EYS: variants seen among roughly 807,000 people sequenced by gnomAD.
EYS encodes EGF-like photoreceptor maintenance factor, also known as protein eyes shut homolog.
EYS carries 250 observed loss-of-function variants against 282.1 expected under a neutral mutation model. The observed-to-expected ratio is 0.89, with a 90% CI of 0.80 to 0.98. The LOEUF is 0.98. Ranked by LOEUF, EYS falls within the 50% of genes least tolerant of loss-of-function variation. The pLI is 0.00. For synonymous variants in EYS, 1,355 were observed against 1,282.9 expected (o/e 1.06, Z -1.20); for missense variants, 4,016 against 3,709.0 (o/e 1.08, Z -2.15).
chr6:64,560,069 T>C (rs1765349435), intron 26 of EYS, among the ~76,000 whole-genome samples: 1 of 152,158 alleles, frequency 6.6e-6, no homozygotes, highest in South Asian at 2.1e-4. Flanking sequence ...AGCATAAAAT[T>C]TGTGTACATC....
chr6:65,497,324 C>T (rs757601142), intron 2 of EYS, among the ~76,000 whole-genome samples: 3 of 151,936 alleles, frequency 2.0e-5, no homozygotes, highest in South Asian at 2.1e-4. Flanking sequence ...AATAGTCTAA[C>T]AGTCTGAGAC....
intron 35 of EYS, among the ~76,000 whole-genome samples, chr6:63,891,132 A>T (rs1257607176): frequency 6.6e-6 from 1 of 152,114 alleles, no homozygotes; most frequent in Non-Finnish European, 1.5e-5. Flanking sequence ...GGACCAGACA[A>T]ATTCACGGCC....
At chr6:65,576,233 T>A (rs1433136854) in intron 2 of EYS, among the ~76,000 whole-genome samples, 1 of 151,906 alleles carries the variant, frequency 6.6e-6, no homozygotes, top group East Asian at 1.9e-4. Flanking sequence ...CTTACTATAA[T>A]CAAGTGGAGG....
At chr6:64,407,819 C>T (rs6938036) in intron 28 of EYS, among the ~76,000 whole-genome samples, 2,618 of 152,148 alleles carry the variant, frequency 0.017, 66 homozygotes, top group African/African-American at 0.06. Context: ...GCAACCTCCG[C>T]CTCCTGGGTT....
intron 24 of EYS, among the ~76,000 whole-genome samples, chr6:64,598,466 C>T (rs1330516665): frequency 1.3e-5 from 2 of 151,876 alleles, no homozygotes; most frequent in African/African-American, 4.8e-5. Context: ...GTCTCAAAAA[C>T]AAACAAACAA....
chr6:64,590,865 T>C lies in EYS; in HGVS notation c.5002A>G (p.Ile1668Val), dbSNP rs1364871276. Reference protein sequence around the residue: ...NLCLDKTCLSIVPSQTISSDL... With the variant: ...NLCLDKTCLSVVPSQTISSDL... ...GAAGAGATAGTTTGTGAAGGGACAATGGATAAACAAGTCTTATCCAAACAT... is the reference window on the plus strand; with the variant it reads ...GAAGAGATAGTTTGTGAAGGGACAACGGATAAACAAGTCTTATCCAAACAT... Residue 1668 changes from isoleucine (I) to valine (V), a missense_variant, in exon 26 of 43, where the codon ATT becomes GTT. By Grantham distance (29) the Ile-to-Val change is conservative. Coordinates refer to ENST00000503581, the MANE Select transcript of EYS (RefSeq NM_001142800.2). 4 of 1,550,790 alleles carry C rather than the reference T, an allele frequency of 2.6e-6. No homozygotes were observed. The highest frequency in any genetic ancestry group is 1.2e-5 in the South Asian group (1 of 84,054).
intron 22 of EYS, among the ~76,000 whole-genome samples, chr6:64,809,722 A>G (rs779140578): frequency 1.7e-4 from 26 of 152,124 alleles, no homozygotes; most frequent in Non-Finnish European, 3.1e-4. Flanking sequence ...AAACACAAGA[A>G]CAGAAAACCA....
intron 28 of EYS, among the ~76,000 whole-genome samples, chr6:64,432,462 G>T (rs969605936): frequency 6.6e-6 from 1 of 151,120 alleles, no homozygotes; most frequent in East Asian, 1.9e-4. Context: ...ACTTTAAATG[G>T]AAAAAGGCCC....
At chr6:65,005,108 G>A (rs1279323204) in intron 13 of EYS, among the ~76,000 whole-genome samples, 1 of 147,660 alleles carries the variant, frequency 6.8e-6, no homozygotes, top group African/African-American at 2.4e-5. Flanking sequence ...GCTTTCGCTT[G>A]CCGTCCACCA....
chr6:64,120,357 TAAAAAAAAAAAAAA>T (rs34632243), intron 31 of EYS, among the ~76,000 whole-genome samples: 32 of 76,774 alleles, frequency 4.2e-4, no homozygotes, highest in Non-Finnish European at 6.1e-4. Context: ...CTCCATCTCT[TAAAAAAAAAAAAAA>T]AAAAAAAAAA....
intron 31 of EYS, among the ~76,000 whole-genome samples, chr6:64,229,517 A>G (rs1033272312): frequency 5.3e-5 from 8 of 152,304 alleles, no homozygotes; most frequent in African/African-American, 1.9e-4. Flanking sequence ...ATCAAGCCAT[A>G]GTGATGTATC....
intron 22 of EYS, among the ~76,000 whole-genome samples, chr6:64,704,482 T>TTATAA (rs1200548078): frequency 1.7e-4 from 3 of 17,470 alleles, no homozygotes; most frequent in Non-Finnish European, 7.9e-4. Flanking sequence ...TATAATTATA[T>TTATAA]TATAATTATA....
intron 29 of EYS, among the ~76,000 whole-genome samples, chr6:64,343,112 C>T (rs1771198975): frequency 6.6e-6 from 1 of 152,190 alleles, no homozygotes; most frequent in African/African-American, 2.4e-5. Flanking sequence ...TAATGGGAGA[C>T]TTTAACACCC....
intron 36 of EYS, among the ~76,000 whole-genome samples, chr6:63,823,208 T>A (rs2149686609): frequency 6.6e-6 from 1 of 152,308 alleles, no homozygotes; most frequent in Non-Finnish European, 1.5e-5. Flanking sequence ...AGGCATTTAG[T>A]GAAATTGGTC....
intron 14 of EYS, among the ~76,000 whole-genome samples, chr6:64,982,355 G>A (rs775652776): frequency 1.3e-5 from 2 of 151,396 alleles, no homozygotes; most frequent in Admixed American, 6.6e-5. Flanking sequence ...ACTTAAATAT[G>A]CCAACACTTT....
chr6:65,388,135 C>T (rs917887086), intron 7 of EYS, among the ~76,000 whole-genome samples: 1 of 152,026 alleles, frequency 6.6e-6, no homozygotes, highest in East Asian at 1.9e-4. Context: ...AGGTCACTGC[C>T]TGGATTTCAG....
At chr6:64,863,145 T>A (rs1766302393) in intron 19 of EYS, among the ~76,000 whole-genome samples, 1 of 152,160 alleles carries the variant, frequency 6.6e-6, no homozygotes, top group Non-Finnish European at 1.5e-5. Context: ...AACTTTTTCT[T>A]CTCTGTCTGC....
At chr6:64,346,171 A>T (rs1771384580) in intron 29 of EYS, among the ~76,000 whole-genome samples, 1 of 152,114 alleles carries the variant, frequency 6.6e-6, no homozygotes, top group South Asian at 2.1e-4. Flanking sequence ...AGAACTAGAA[A>T]CACCATTTGA....
At chr6:65,412,662 C>A (rs905224074) in intron 5 of EYS, among the ~76,000 whole-genome samples, 131 of 151,672 alleles carry the variant, frequency 8.6e-4, no homozygotes, top group African/African-American at 3.1e-3. Context: ...TATTTTTTGT[C>A]TATTATTTAT....
Sources: allele counts gnomAD v4.1 joint callset (sites outside exome capture counted in the v4.1 genomes callset), GRCh38; gene constraint gnomAD v4.1.1; transcripts MANE v1.5; gene names NCBI Gene and HGNC (gene_info 2026-07-23, HGNC 2026-07-21).